SREK1: variants seen among roughly 807,000 people sequenced by gnomAD.
SREK1 encodes splicing regulatory glutamine/lysine-rich protein 1.
A neutral mutation model predicts 66.5 loss-of-function variants in SREK1; 13 were observed. That is an observed-to-expected ratio of 0.20 (90% CI 0.13 to 0.31). The LOEUF (loss-of-function observed/expected upper bound fraction) is 0.31. Ranked by LOEUF, SREK1 falls within the 10% of genes least tolerant of loss-of-function variation. The pLI is 1.00. For synonymous variants in SREK1, 265 were observed against 263.5 expected (o/e 1.01, Z -0.05); for missense variants, 607 against 769.6 (o/e 0.79, Z 2.50).
At chr5:66,164,325 T>A (rs1744997834) in intron 6 of SREK1, 1 of 278,314 alleles carries the variant, frequency 3.6e-6, no homozygotes, top group Non-Finnish European at 7.0e-6. Context: ...AAAATACAGA[T>A]ACTGTATTTT....
chr5:66,164,523 G>T, intron 6 of SREK1: 1 of 1,306,520 alleles, frequency 7.7e-7, no homozygotes, highest in Non-Finnish European at 1.0e-6. Flanking sequence ...AGGAATTACA[G>T]ACATGTTGTA....
rs1401119275 is a variant in SREK1, at chr5:66,170,855, C to G, written c.1392C>G (p.Ser464=). The G allele has an allele frequency of 1.2e-5, 19 of 1,612,952 alleles. No individual in the cohort carries two copies. The highest frequency in any genetic ancestry group is 1.6e-5 in the Non-Finnish European group (19 of 1,179,800). Reference sequence around the variant, plus strand: ...AAAAGGAACGAGAAAAAGACAGATCCAAAGAGATAGATGAAAAAAGAAAGA... The same window carrying G: ...AAAAGGAACGAGAAAAAGACAGATCGAAAGAGATAGATGAAAAAAGAAAGA... ...DKEKEREKDR[S]KEIDEKRKKD... Residue 464 remains serine (S), a synonymous_variant, in exon 9 of 12, where the codon TCC becomes TCG. Transcript: ENST00000334121.
At chr5:66,165,739 T>C (rs970130886) in intron 7 of SREK1, 2 of 152,192 alleles carry the variant, frequency 1.3e-5, no homozygotes, top group Non-Finnish European at 2.9e-5. Context: ...CGTACTCCTA[T>C]GTATGTCTTG....
intron 7 of SREK1, chr5:66,166,161 A>G (rs1384214821): frequency 3.9e-5 from 6 of 152,276 alleles, no homozygotes; most frequent in Admixed American, 3.9e-4. Context: ...CTGCAGTGAT[A>G]CTAGACTGTG....
At chr5:66,171,182 AT>A (rs1279396749) in intron 9 of SREK1, among the ~76,000 whole-genome samples, 2 of 152,224 alleles carry the variant, frequency 1.3e-5, no homozygotes, top group African/African-American at 2.4e-5. Flanking sequence ...TTTTAATAGA[AT>A]AATAATAATT....
At chr5:66,159,460 A>C in intron 3 of SREK1, 126 bp downstream of exon 3, 1 of 763,938 alleles carries the variant, frequency 1.3e-6, no homozygotes, top group Non-Finnish European at 1.9e-6. Context: ...AGAGGATTCG[A>C]AATCACTGCT....
At chr5:66,174,874 T>C (rs1200484223) in intron 9 of SREK1, 72 bp from the exon 10 acceptor site, 2 of 1,406,770 alleles carry the variant, frequency 1.4e-6, no homozygotes, top group African/African-American at 2.8e-5. Flanking sequence ...AAGGACCCTT[T>C]TGCTTTTGTA....
intron 6 of SREK1, chr5:66,164,556 A>G (rs1198231047): frequency 2.7e-6 from 4 of 1,476,178 alleles, no homozygotes; most frequent in Non-Finnish European, 3.6e-6. Context: ...GGCAGCAACA[A>G]AATATTACGA....
At chr5:66,176,877 T>C (rs1367260802) in intron 10 of SREK1, among the ~76,000 whole-genome samples, 2 of 152,060 alleles carry the variant, frequency 1.3e-5, no homozygotes, top group Admixed American at 6.6e-5. Flanking sequence ...TTTAGGTGAT[T>C]TTCTGTGATT....
Position 66,170,170 on chromosome 5 carries a change from G to C in SREK1, c.1121G>C (p.Arg374Pro), listed in dbSNP as rs1393386731. 2 of 1,608,692 alleles carry C rather than the reference G, an allele frequency of 1.2e-6. No individual in the cohort carries two copies. Among genetic ancestry groups the C allele is most frequent in the Non-Finnish European group, 8.5e-7 (1 of 1,178,162 alleles). Residue 374 changes from arginine (R) to proline (P), a missense_variant and splice_region_variant, in exon 8 of 12, where the codon CGG (arginine) becomes CCG (proline). Around this residue, in one of 5 missense-constraint regions of SREK1, gnomAD observed 318 missense variants for 310.3 expected, o/e 1.02. Transcript: ENST00000334121. ...AAGTCAAGGAGTCGTTCGCATTCACGGTGAGTTTTAGAGAAATTAACAATA... is the reference window on the plus strand; with the variant it reads ...AAGTCAAGGAGTCGTTCGCATTCACCGTGAGTTTTAGAGAAATTAACAATA... Reference protein sequence around the residue: ...RRKSRSRSHSRDKRKDTREKI... With the variant: ...RRKSRSRSHSPDKRKDTREKI...
chr5:66,183,585 A>AT lies in SREK1; in HGVS notation c.*4722dup, dbSNP rs1480342595. 4 of 152,194 alleles carry AT rather than the reference A, an allele frequency of 2.6e-5. No individual in the cohort carries two copies. The highest frequency in any genetic ancestry group is 4.4e-5 in the Non-Finnish European group (3 of 68,020). The allele number at this position is 152,194 out of a possible 1,614,324, so 9.4% of individuals were successfully genotyped here. A position where few individuals can be genotyped will look rare whatever the true frequency, so the allele number is the denominator to read the frequency against. On this transcript the variant is annotated 3_prime_UTR_variant, in exon 12 of 12. Transcript: ENST00000334121. ...AACAATGCTGCTATTATGTTGCTAT[A>AT]TTTTTAATAAAATGAAAATCTTAAA...
At chr5:66,178,430 T>G (rs545364750) in intron 11 of SREK1, among the ~76,000 whole-genome samples, 19 of 152,166 alleles carry the variant, frequency 1.2e-4, no homozygotes, top group African/African-American at 4.1e-4. Context: ...ATTTCACTCT[T>G]TCAATAGATC....
At chr5:66,166,278 T>C (rs1745165761) in intron 7 of SREK1, 1 of 152,178 alleles carries the variant, frequency 6.6e-6, no homozygotes, top group Admixed American at 6.5e-5. Context: ...GGAAGACTGA[T>C]GACCTGGATC....
intron 9 of SREK1, among the ~76,000 whole-genome samples, chr5:66,172,219 C>T (rs1745700287): frequency 6.6e-6 from 1 of 152,128 alleles, no homozygotes; most frequent in Non-Finnish European, 1.5e-5. Context: ...TCACACATGC[C>T]TTTGTGTTTC....
intron 9 of SREK1, 131 bp downstream of exon 9, chr5:66,171,078 A>G (rs1305182440): frequency 8.9e-7 from 1 of 1,121,922 alleles, no homozygotes; most frequent in Non-Finnish European, 1.2e-6. Context: ...ATTTTCTCCT[A>G]ATTTCAGAGT....
chr5:66,171,021 G>C (rs1580668831), intron 9 of SREK1, 74 bp downstream of exon 9: 1 of 1,522,016 alleles, frequency 6.6e-7, no homozygotes, highest in East Asian at 2.3e-5. Context: ...TACGGAGGGA[G>C]AAAAGGTTAC....
intron 10 of SREK1, among the ~76,000 whole-genome samples, chr5:66,175,291 A>G (rs1464814585): frequency 6.6e-6 from 1 of 152,182 alleles, no homozygotes; most frequent in African/African-American, 2.4e-5. Flanking sequence ...TATACAGATA[A>G]CAAGATGAGA....
At chr5:66,176,070 T>A (rs2112105672) in intron 10 of SREK1, among the ~76,000 whole-genome samples, 1 of 152,306 alleles carries the variant, frequency 6.6e-6, no homozygotes, top group East Asian at 1.9e-4. Flanking sequence ...GTTTTATATT[T>A]TGCAGTTAAA....
At chr5:66,174,877 C>T in intron 9 of SREK1, 69 bp from the exon 10 acceptor site, 1 of 1,459,100 alleles carries the variant, frequency 6.9e-7, no homozygotes, top group Non-Finnish European at 9.4e-7. Context: ...GACCCTTTTG[C>T]TTTTGTATAT....
Sources: gnomAD v4.1 joint callset for allele counts (sites outside exome capture counted in the v4.1 genomes callset) on GRCh38, gnomAD v4.1.1 for gene constraint, gnomAD v4.1.1 regional missense constraint, MANE v1.5 for transcripts, NCBI Gene and HGNC (gene_info 2026-07-23, HGNC 2026-07-21) for gene names.